DCDC2: variants seen among roughly 807,000 people sequenced by gnomAD.
DCDC2 encodes doublecortin domain-containing protein 2.
Under a neutral mutation model 50.2 loss-of-function variants are expected in DCDC2, and 40 were observed. The ratio of observed to expected loss-of-function variants is 0.80; its 90% CI spans 0.62 to 1.04. The LOEUF (loss-of-function observed/expected upper bound fraction) is 1.04. DCDC2 is among the 50% of genes least tolerant of loss of function. The pLI is 0.00. For missense variants in DCDC2, 570 were observed against 581.9 expected, an observed-to-expected ratio of 0.98 and a Z score of 0.21; for synonymous variants, 234 against 210.6, an observed-to-expected ratio of 1.11 and a Z score of -0.96.
At chr6:24,332,403 A>G (rs1313190956) in intron 2 of DCDC2, among the ~76,000 whole-genome samples, 1 of 152,166 alleles carries the variant, frequency 6.6e-6, no homozygotes, top group Non-Finnish European at 1.5e-5. Flanking sequence ...AAGAGACCAC[A>G]TGGAAAAGTC....
chr6:24,246,469 TTTTC>T (rs1366853607), intron 7 of DCDC2, among the ~76,000 whole-genome samples: 4 of 126,048 alleles, frequency 3.2e-5, no homozygotes, highest in African/African-American at 1.1e-4. Context: ...AGACAAGTCT[TTTTC>T]TTTTTCTTTT....
chr6:24,382,889 G>C, the DCDC2 span, among the ~76,000 whole-genome samples: 1 of 152,144 alleles, frequency 6.6e-6, no homozygotes, highest in East Asian at 1.9e-4. Context: ...TTTTTAGTCA[G>C]TAACTTTCAT....
intron 7 of DCDC2, among the ~76,000 whole-genome samples, chr6:24,257,074 C>T (rs1762911155): frequency 6.6e-6 from 1 of 152,188 alleles, no homozygotes. Context: ...CTTCTCCTTG[C>T]ATTTAAATAA....
chr6:24,337,628 T>C (rs1311874734), intron 2 of DCDC2, among the ~76,000 whole-genome samples: 1 of 151,912 alleles, frequency 6.6e-6, no homozygotes, highest in African/African-American at 2.4e-5. Context: ...ACCCCATCTC[T>C]ACCAAAAAAA....
intron 4 of DCDC2, among the ~76,000 whole-genome samples, chr6:24,294,179 A>G (rs1003590287): frequency 1.3e-5 from 2 of 152,182 alleles, no homozygotes; most frequent in Non-Finnish European, 2.9e-5. Context: ...CAACATAGTG[A>G]AACCCCGTCT....
In DCDC2 at chr6:24,203,796, AAAC is replaced by A. The variant is rs1245866013; in HGVS notation, c.1023+1203_1023+1205del. Among the ~76,000 whole-genome samples, 33 of 117,612 alleles carry A rather than the reference AAAC, an allele frequency of 2.8e-4. No homozygotes were observed. In the East Asian group the frequency reaches 0.012, roughly 43 times the overall value. The allele number at this position is 117,612 out of a possible 152,430, so 77.2% of individuals were successfully genotyped here. A position where few individuals can be genotyped will look rare whatever the true frequency, so the allele number is the denominator to read the frequency against. ...AACTTAAAAAAATTTACAAGAAAAA[AAAC>A]AAACAAACCCATCAAAAAGTGGGCA... On this transcript the variant is annotated intron_variant, in intron 8 of 9. Coordinates refer to ENST00000378454, the MANE Select transcript of DCDC2 (RefSeq NM_016356.5).
At chr6:24,303,226 G>A (rs771354421) in intron 2 of DCDC2, among the ~76,000 whole-genome samples, 7 of 151,746 alleles carry the variant, frequency 4.6e-5, no homozygotes, top group Non-Finnish European at 8.8e-5. Flanking sequence ...CTCTCTTCAG[G>A]CTTCTGCCGT....
At chr6:24,352,041 T>C (rs1318344177) in intron 2 of DCDC2, among the ~76,000 whole-genome samples, 1 of 151,918 alleles carries the variant, frequency 6.6e-6, no homozygotes, top group East Asian at 1.9e-4. Context: ...GAGGTGGAGG[T>C]TGCAGTGAGC....
At chr6:24,294,753 T>C (rs1030345449) in intron 4 of DCDC2, among the ~76,000 whole-genome samples, 2 of 151,996 alleles carry the variant, frequency 1.3e-5, no homozygotes, top group African/African-American at 4.8e-5. Flanking sequence ...ACATACACCC[T>C]CCCAAGACTG....
At chr6:24,345,558 T>C (rs1408580694) in intron 2 of DCDC2, among the ~76,000 whole-genome samples, 3 of 152,130 alleles carry the variant, frequency 2.0e-5, no homozygotes, top group Admixed American at 6.5e-5. Context: ...AGAATATACC[T>C]ATCTCAATGT....
At chr6:24,190,104 G>A (rs936391951) in intron 8 of DCDC2, among the ~76,000 whole-genome samples, 6 of 148,730 alleles carry the variant, frequency 4.0e-5, no homozygotes, top group African/African-American at 5.0e-5. Flanking sequence ...GATATGATTT[G>A]AAGCCACAAA....
intron 8 of DCDC2, among the ~76,000 whole-genome samples, chr6:24,181,136 GCATGT>G (rs1020308761): frequency 1.2e-4 from 19 of 152,296 alleles, no homozygotes; most frequent in African/African-American, 4.6e-4. Flanking sequence ...CTATCCCTCA[GCATGT>G]CGTCAGGGTG....
chr6:24,319,941 T>C (rs949745426), intron 2 of DCDC2, among the ~76,000 whole-genome samples: 2 of 151,424 alleles, frequency 1.3e-5, no homozygotes, highest in Admixed American at 1.3e-4. Flanking sequence ...GAACACAAAA[T>C]AGAAAGATAC....
At chr6:24,337,118 A>T (rs1362526729) in intron 2 of DCDC2, among the ~76,000 whole-genome samples, 1 of 152,196 alleles carries the variant, frequency 6.6e-6, no homozygotes, top group Admixed American at 6.5e-5. Flanking sequence ...TACTCGAAAC[A>T]TCTGGAAAAA....
intron 7 of DCDC2, among the ~76,000 whole-genome samples, chr6:24,243,104 T>G (rs1164299586): frequency 6.6e-6 from 1 of 151,908 alleles, no homozygotes; most frequent in African/African-American, 2.4e-5. Context: ...AACACACCAG[T>G]GAGACACAAA....
intron 7 of DCDC2, among the ~76,000 whole-genome samples, chr6:24,232,774 G>C (rs1762363446): frequency 1.3e-5 from 2 of 152,008 alleles, no homozygotes; most frequent in Admixed American, 6.6e-5. Flanking sequence ...CAGAAGGTCA[G>C]TGCTCAATAA....
chr6:24,321,084 CTAAAA>C (rs765384228), intron 2 of DCDC2, among the ~76,000 whole-genome samples: 23 of 150,974 alleles, frequency 1.5e-4, no homozygotes, highest in African/African-American at 5.1e-4. Context: ...ATTTTAACAC[CTAAAA>C]TAAATATCTA....
intron 9 of DCDC2, among the ~76,000 whole-genome samples, chr6:24,175,389 A>G (rs1487935950): frequency 6.6e-6 from 1 of 152,150 alleles, no homozygotes; most frequent in South Asian, 2.1e-4. Flanking sequence ...TCTCATGTAC[A>G]ACTCACCTTT....
chr6:24,297,207 C>T (rs930381748), intron 4 of DCDC2, among the ~76,000 whole-genome samples: 1 of 152,116 alleles, frequency 6.6e-6, no homozygotes, highest in Non-Finnish European at 1.5e-5. Context: ...CAAACTAACA[C>T]AGGAACAGAA....
Sources: allele counts gnomAD v4.1 joint callset (sites outside exome capture counted in the v4.1 genomes callset), GRCh38; gene constraint gnomAD v4.1.1; transcripts MANE v1.5; gene names NCBI Gene and HGNC (gene_info 2026-07-23, HGNC 2026-07-21).